PKD1L1: variants seen among roughly 807,000 people sequenced by gnomAD.
PKD1L1 encodes polycystin 1 like 1, transient receptor potential channel interacting.
In PKD1L1, 236 loss-of-function variants were observed where a neutral mutation model predicts 323.4. That is an observed-to-expected ratio of 0.73 (90% confidence interval 0.66 to 0.81). The LOEUF is 0.81. Among genes scored for constraint, PKD1L1 ranks in the 40% least tolerant of loss-of-function variants. The pLI is 0.00. For synonymous variants in PKD1L1, 1,344 were observed against 1,335.0 expected (o/e 1.01, Z -0.15); for missense variants, 3,320 against 3,508.0 (o/e 0.95, Z 1.35).
At chr7:47,801,595 T>C (rs898378057) in intron 53 of PKD1L1, among the ~76,000 whole-genome samples, 2 of 152,236 alleles carry the variant, frequency 1.3e-5, no homozygotes, top group African/African-American at 4.8e-5. Context: ...GCTATAGTCA[T>C]GGGCTGCATT....
chr7:47,834,638 A>G (rs1422665986), intron 39 of PKD1L1, among the ~76,000 whole-genome samples: 1 of 152,192 alleles, frequency 6.6e-6, no homozygotes, highest in Non-Finnish European at 1.5e-5. Context: ...AGCTTGAGAA[A>G]AATGTTTAAT....
chr7:47,901,327 C>CAAAAAAAAAAA (rs71699736), intron 13 of PKD1L1, among the ~76,000 whole-genome samples: 25 of 62,578 alleles, frequency 4.0e-4, no homozygotes, highest in African/African-American at 9.9e-4. Flanking sequence ...AACAGAGTCT[C>CAAAAAAAAAAA]AAAAAAAAAA....
intron 37 of PKD1L1, among the ~76,000 whole-genome samples, chr7:47,836,559 C>G (rs1187474379): frequency 6.6e-6 from 1 of 152,218 alleles, no homozygotes; most frequent in East Asian, 1.9e-4. Context: ...GTTCTACGTT[C>G]TTTTGTCCAG....
chr7:47,793,679 A>C (rs2128723917), intron 55 of PKD1L1, among the ~76,000 whole-genome samples: 1 of 152,306 alleles, frequency 6.6e-6, no homozygotes, highest in South Asian at 2.1e-4. Context: ...AAGATACCCA[A>C]AAATGTGAAA....
chr7:47,924,869 T>A (rs1238937726), intron 7 of PKD1L1, among the ~76,000 whole-genome samples: 1 of 152,142 alleles, frequency 6.6e-6, no homozygotes, highest in Admixed American at 6.5e-5. Flanking sequence ...TCATCATCAA[T>A]CTCATTTAAC....
chr7:47,849,227 A>C (rs957162476), intron 31 of PKD1L1, among the ~76,000 whole-genome samples: 4 of 152,244 alleles, frequency 2.6e-5, no homozygotes, highest in Non-Finnish European at 5.9e-5. Flanking sequence ...TAAATCTAAG[A>C]CTTGAAGCTG....
intron 7 of PKD1L1, among the ~76,000 whole-genome samples, chr7:47,921,629 C>T (rs1787542673): frequency 6.6e-6 from 1 of 151,888 alleles, no homozygotes; most frequent in South Asian, 2.1e-4. Context: ...ATGGAACCAA[C>T]CCAAACCAAA....
At position 47,905,202 on chromosome 7, in the gene PKD1L1, C is replaced by G. The variant is rs1295488114; in HGVS notation, c.1646G>C (p.Arg549Thr). The G allele has an allele frequency of 1.3e-5, 21 of 1,614,074 alleles. No homozygotes were observed. The highest frequency in any genetic ancestry group is 1.7e-5 in the Non-Finnish European group (20 of 1,180,024). The change falls in exon 11 of 57, where the codon AGG becomes ACG. Residue 549 changes from arginine to threonine, a missense_variant. Physicochemically the swap from Arg to Thr is moderately conservative, Grantham distance 71. Coordinates refer to ENST00000289672, the MANE Select transcript of PKD1L1 (RefSeq NM_138295.5). ...EWYFGEDPPVRTTSRSIKKRL... is the reference protein window; with the variant it reads ...EWYFGEDPPVTTTSRSIKKRL... ...TTTTTTAATGCTTCTTGAAGTTGTCCTCACTGGTGGATCCTCTCCAAAATA... is the reference window on the plus strand; with the variant it reads ...TTTTTTAATGCTTCTTGAAGTTGTCGTCACTGGTGGATCCTCTCCAAAATA...
In PKD1L1 at chr7:47,890,561, A is replaced by G; in HGVS notation, c.2656T>C (p.Tyr886His). Residue 886 changes from tyrosine to histidine, a missense_variant, in exon 16 of 57, where the codon TAC (tyrosine) becomes CAC (histidine). Tyr to His is a moderately conservative substitution (Grantham distance 83). Transcript: ENST00000289672. Reference sequence around the variant, plus strand: ...AGGTACCTGAACGCCGAGTCAGGGTAGGGGGACAGGAACACCCGGGTCTCA... The same window carrying G: ...AGGTACCTGAACGCCGAGTCAGGGTGGGGGGACAGGAACACCCGGGTCTCA... ...SSETRVFLSP[Y>H]PDSAFRFVHI... 6.2e-7 allele frequency: 1 copy of G among 1,614,112 alleles called. No homozygotes were observed. The highest frequency in any genetic ancestry group is 8.5e-7 in the Non-Finnish European group (1 of 1,180,034).
chr7:47,858,284 A>C (rs1015469708), intron 27 of PKD1L1, among the ~76,000 whole-genome samples: 2 of 152,240 alleles, frequency 1.3e-5, no homozygotes, highest in African/African-American at 4.8e-5. Flanking sequence ...GGCCTTTTTA[A>C]GAAGTTATGT....
chr7:47,948,927 A>T (rs1223471564), upstream of PKD1L1, among the ~76,000 whole-genome samples: 2 of 152,216 alleles, frequency 1.3e-5, no homozygotes, highest in South Asian at 4.1e-4. Context: ...ACTGTGCAAT[A>T]GAGTGAGACT....
chr7:47,887,851 G>T, intron 17 of PKD1L1, 139 bp downstream of exon 17: 2 of 794,520 alleles, frequency 2.5e-6, no homozygotes, highest in African/African-American at 1.8e-5. Flanking sequence ...AGAGGGGCTG[G>T]GGAAGCACGA....
intron 26 of PKD1L1, among the ~76,000 whole-genome samples, chr7:47,861,699 A>T (rs186210693): frequency 6.6e-6 from 1 of 151,782 alleles, no homozygotes; most frequent in Non-Finnish European, 1.5e-5. Flanking sequence ...TGGCTAACAC[A>T]GTGAAATCCC....
chr7:47,890,673 A>T lies in PKD1L1; in HGVS notation c.2544T>A (p.Thr848=). The stretch of plus-strand genomic sequence containing the variant: ...TGAGCCATTGTGCCTCAAAGGAAAC[A>T]GTGGGAGCCGCGGCATCCAGTTGGT... ...TAHQLDAAAP[T]VSFEAQWLSD... is the part of the protein sequence containing the mutation. The change falls in exon 16 of 57, where the codon ACT becomes ACA. Residue 848 remains threonine (T), a synonymous_variant. Coordinates refer to ENST00000289672, the MANE Select transcript of PKD1L1 (RefSeq NM_138295.5). 6.2e-7 allele frequency: 1 copy of T among 1,614,072 alleles called. No individual in the cohort carries two copies. Among genetic ancestry groups the T allele is most frequent in the Non-Finnish European group, 8.5e-7 (1 of 1,180,026 alleles).
In PKD1L1 at chr7:47,836,907, G is replaced by C; in HGVS notation, c.5943+14C>G. The C allele has an allele frequency of 6.2e-7, 1 of 1,610,830 alleles. No homozygotes were observed. Among genetic ancestry groups the C allele is most frequent in the Non-Finnish European group, 8.5e-7 (1 of 1,178,276 alleles). ...GATCTGGAAGCTGCTATAAGGAAAA[G>C]CGATGGCTCTCACCTGCTCTTGCCC... On this transcript the variant is annotated intron_variant, in intron 37 of 56. Transcript: ENST00000289672.
intron 23 of PKD1L1, among the ~76,000 whole-genome samples, chr7:47,875,439 C>T (rs1050244322): frequency 6.6e-6 from 1 of 152,228 alleles, no homozygotes; most frequent in Non-Finnish European, 1.5e-5. Context: ...CCCTGCACAT[C>T]AGAATCTTCC....
At chr7:47,949,368 C>CAAAAAAAAAGAAA (rs1788167943), upstream of PKD1L1, among the ~76,000 whole-genome samples, 2 of 57,134 alleles carry the variant, frequency 3.5e-5, no homozygotes, top group Non-Finnish European at 6.4e-5. Context: ...GGCTCTGTCT[C>CAAAAAAAAAGAAA]AAAAAAAAAA....
chr7:47,895,996 T>C (rs1470248382), intron 14 of PKD1L1, among the ~76,000 whole-genome samples: 1 of 152,228 alleles, frequency 6.6e-6, no homozygotes, highest in Non-Finnish European at 1.5e-5. Flanking sequence ...ATTTCACTCT[T>C]GCCTGGCCTT....
In PKD1L1 at chr7:47,948,319, T is replaced by C. The variant is rs997285954; in HGVS notation, c.44+78A>G. 3.9e-6 allele frequency: 6 copies of C among 1,542,534 alleles called. No homozygotes were observed. In the African/African-American group the frequency reaches 6.8e-5, roughly 18 times the overall value. On this transcript the variant is annotated intron_variant, in intron 1 of 56. Transcript: ENST00000289672. ...GAGTGAGCCCACATCCTAGAGGTGA[T>C]GACTTTTGAAAGAAAATTTCTGAAT...
Sources: gnomAD v4.1 joint callset for allele counts (sites outside exome capture counted in the v4.1 genomes callset) on GRCh38, gnomAD v4.1.1 for gene constraint, MANE v1.5 for transcripts, NCBI Gene and HGNC (gene_info 2026-07-23, HGNC 2026-07-21) for gene names.